Variants in THSD7A observed in about 807,000 individuals in gnomAD.
THSD7A encodes thrombospondin type 1 domain containing 7A, also known as thrombospondin type-1 domain-containing protein 7A.
In THSD7A, 96 loss-of-function variants were observed where a neutral mutation model predicts 231.3. That is an observed-to-expected ratio of 0.41 (90% CI 0.35 to 0.49). THSD7A has a LOEUF of 0.49. Among genes scored for constraint, THSD7A ranks in the 20% least tolerant of loss-of-function variants. The pLI is 0.05. For missense variants in THSD7A, 2,290 were observed against 2,070.2 expected (o/e 1.11, Z -2.06); for synonymous variants, 940 against 743.3 (o/e 1.26, Z -4.30).
chr7:11,815,193 A>G (rs2128185390), intron 1 of THSD7A, among the ~76,000 whole-genome samples: 1 of 152,010 alleles, frequency 6.6e-6, no homozygotes, highest in African/African-American at 2.4e-5. Context: ...TCAATGCCCC[A>G]TAGTCCAATT....
At chr7:11,424,963 A>C in intron 15 of THSD7A, 134 bp from the exon 16 acceptor site, 1 of 1,091,532 alleles carries the variant, frequency 9.2e-7, no homozygotes, top group Non-Finnish European at 1.3e-6. Context: ...TTATTCTAAC[A>C]TTGCAATAGA....
At chr7:11,643,241 A>G (rs1782155017) in intron 1 of THSD7A, among the ~76,000 whole-genome samples, 1 of 152,118 alleles carries the variant, frequency 6.6e-6, no homozygotes, top group Non-Finnish European at 1.5e-5. Flanking sequence ...CAAGGAGTAC[A>G]TAAACAGCTT....
intron 1 of THSD7A, among the ~76,000 whole-genome samples, chr7:11,750,722 T>C (rs1211777796): frequency 2.0e-5 from 3 of 151,988 alleles, no homozygotes; most frequent in Non-Finnish European, 2.9e-5. Flanking sequence ...CCGGCACTTG[T>C]ACAACTTCAT....
At chr7:11,500,505 A>C (rs1562660872) in intron 6 of THSD7A, among the ~76,000 whole-genome samples, 1 of 152,168 alleles carries the variant, frequency 6.6e-6, no homozygotes, top group Non-Finnish European at 1.5e-5. Context: ...AACCCCACTT[A>C]CAAGGCACAG....
Position 11,590,772 on chromosome 7 carries a change from T to C in THSD7A, c.1272-131A>G. The C allele has an allele frequency of 9.4e-7, 1 of 1,062,180 alleles. No individual in the cohort carries two copies. The highest frequency in any genetic ancestry group is 3.0e-5 in the Admixed American group (1 of 32,814). 65.8% of individuals were successfully genotyped at this position (1,062,180 alleles called of 1,614,324 possible). On this transcript the variant is annotated intron_variant, in intron 3 of 27. Transcript: ENST00000423059. This position sits in a 1 kb window ranked among gnomAD's most constrained non-coding sequence, Gnocchi z 4.4. Reference sequence around the variant, plus strand: ...CCTAGAGAATCCATCGTAGACTACATCTATGGTGCATATTTGGTTTCAACT... The same window carrying C: ...CCTAGAGAATCCATCGTAGACTACACCTATGGTGCATATTTGGTTTCAACT...
intron 1 of THSD7A, among the ~76,000 whole-genome samples, chr7:11,674,778 G>A (rs1163558301): frequency 6.6e-6 from 1 of 152,132 alleles, no homozygotes; most frequent in Non-Finnish European, 1.5e-5. Flanking sequence ...ACCTCCAAAG[G>A]ATTGCACTAG....
At chr7:11,384,344 T>G (rs1228250719) in intron 23 of THSD7A, 1 of 151,692 alleles carries the variant, frequency 6.6e-6, no homozygotes, top group Non-Finnish European at 1.5e-5. Flanking sequence ...TCCTGTAACC[T>G]TCTACTGTGT....
At chr7:11,735,719 A>G (rs1526532) in intron 1 of THSD7A, among the ~76,000 whole-genome samples, 32,350 of 151,822 alleles carry the variant, frequency 0.21, 4,811 homozygotes, top group African/African-American at 0.42. Flanking sequence ...TGTAAGAAAC[A>G]AAAGTTGAAA....
intron 1 of THSD7A, among the ~76,000 whole-genome samples, chr7:11,816,783 A>T (rs931329182): frequency 5.3e-5 from 8 of 152,198 alleles, no homozygotes; most frequent in African/African-American, 1.7e-4. Flanking sequence ...TACTATAAAT[A>T]CCACATAAAA....
At chr7:11,510,081 A>G (rs1314434591) in intron 6 of THSD7A, among the ~76,000 whole-genome samples, 1 of 152,156 alleles carries the variant, frequency 6.6e-6, no homozygotes, top group Non-Finnish European at 1.5e-5. Flanking sequence ...TATTTGAAAA[A>G]GATACTTGCA....
At position 11,372,681 on chromosome 7, in the gene THSD7A, C is replaced by T. The variant is rs1169723777; in HGVS notation, c.*3113G>A. ...CTTTTTTTAAAAACCAAACAACAGA[C>T]CTTCATTCTAGGGAACAGCAGTTCT... On this transcript the variant is annotated 3_prime_UTR_variant, in exon 28 of 28. Transcript: ENST00000423059. 6 of 151,956 alleles carry T rather than the reference C, an allele frequency of 3.9e-5. No individual in the cohort carries two copies. Among genetic ancestry groups the T allele is most frequent in the Admixed American group, 3.9e-4 (6 of 15,232 alleles). The allele number at this position is 151,956 out of a possible 1,614,324, so 9.4% of individuals were successfully genotyped here.
chr7:11,768,263 T>C (rs1169834232), intron 1 of THSD7A, among the ~76,000 whole-genome samples: 2 of 152,148 alleles, frequency 1.3e-5, no homozygotes, highest in African/African-American at 2.4e-5. Flanking sequence ...TGTCCAACAA[T>C]ATATCAGGAT....
Position 11,741,859 on chromosome 7 carries a change from C to T in THSD7A, c.190+89898G>A, listed in dbSNP as rs548050995. Among the ~76,000 whole-genome samples the T allele has an allele frequency of 9.2e-5, 14 of 151,978 alleles. No homozygotes were observed. In the East Asian group the frequency reaches 2.5e-3, roughly 27 times the overall value. ...TATAAAACTACCTTAAGTTTGTATA[C>T]CATTTAACTGCTTCCAAAGCTCATG... On this transcript the variant is annotated intron_variant, in intron 1 of 27. Coordinates refer to ENST00000423059, the MANE Select transcript of THSD7A (RefSeq NM_015204.3).
At chr7:11,519,298 C>A (rs1465977832) in intron 6 of THSD7A, among the ~76,000 whole-genome samples, 1 of 151,920 alleles carries the variant, frequency 6.6e-6, no homozygotes, top group African/African-American at 2.4e-5. Context: ...TCTCTTCTTC[C>A]TACAGGCAAC....
At chr7:11,477,341 C>T (rs146967967) in intron 7 of THSD7A, among the ~76,000 whole-genome samples, 156 of 152,194 alleles carry the variant, frequency 1.0e-3, no homozygotes, top group African/African-American at 3.6e-3. Flanking sequence ...ATATATGCAT[C>T]TTTGATAGAG....
At chr7:11,394,270 T>A (rs1303863313) in intron 23 of THSD7A, among the ~76,000 whole-genome samples, 1 of 152,182 alleles carries the variant, frequency 6.6e-6, no homozygotes, top group Admixed American at 6.5e-5. Flanking sequence ...CTAAGCTTCA[T>A]AAGCAAAGGA....
At chr7:11,724,652 T>C (rs1206353101) in intron 1 of THSD7A, among the ~76,000 whole-genome samples, 1 of 151,956 alleles carries the variant, frequency 6.6e-6, no homozygotes, top group Non-Finnish European at 1.5e-5. Context: ...AAAAAAACAG[T>C]TTTGAACTTA....
intron 6 of THSD7A, 134 bp downstream of exon 6, chr7:11,541,285 G>T: frequency 4.8e-6 from 4 of 836,934 alleles, no homozygotes; most frequent in Non-Finnish European, 7.7e-6. Flanking sequence ...GAGGGAGGGA[G>T]AGAGAAGCAG....
intron 19 of THSD7A, among the ~76,000 whole-genome samples, chr7:11,409,128 C>A (rs1368140524): frequency 2.0e-5 from 3 of 151,880 alleles, no homozygotes; most frequent in Admixed American, 6.6e-5. Flanking sequence ...GAAATCTATT[C>A]AAAAATCTAA....
Sources: allele counts gnomAD v4.1 joint callset (sites outside exome capture counted in the v4.1 genomes callset), GRCh38; gene constraint gnomAD v4.1.1; non-coding constraint Gnocchi (gnomAD v3.1); transcripts MANE v1.5; gene names NCBI Gene and HGNC (gene_info 2026-07-23, HGNC 2026-07-21).